NOTCH2: variants seen among roughly 807,000 people sequenced by gnomAD.
NOTCH2 encodes neurogenic locus notch homolog protein 2.
NOTCH2 carries 29 observed loss-of-function variants against 235.8 expected under a neutral mutation model. The ratio of observed to expected loss-of-function variants is 0.12; its 90% confidence interval spans 0.09 to 0.17. The LOEUF is 0.17. Among genes scored for constraint, NOTCH2 ranks in the 10% least tolerant of loss-of-function variants. NOTCH2 has a pLI of 1.00. For missense variants in NOTCH2, 2,285 were observed against 3,150.2 expected, an observed-to-expected ratio of 0.73 and a Z score of 6.57; for synonymous variants, 1,086 against 1,141.5, an observed-to-expected ratio of 0.95 and a Z score of 0.98.
rs1553194800 is a variant in NOTCH2, at chr1:119,929,046, G to A, written c.3822C>T (p.Ser1274=). The stretch of plus-strand genomic sequence containing the variant: ...GTATACAGTCCAGGCTGCCCTCAGA[G>A]CTGCAGGGGTTGGAGAGGCACTCGT... The part of the protein sequence containing the change: ...DINECLSNPC[S]SEGSLDCIQL... The change falls in exon 23 of 34, where the codon AGC becomes AGT. Residue 1274 remains serine, a synonymous_variant. Transcript: ENST00000256646. The A allele has an allele frequency of 1.2e-6, 2 of 1,614,036 alleles. No individual in the cohort carries two copies. The highest frequency in any genetic ancestry group is 1.7e-6 in the Non-Finnish European group (2 of 1,180,034).
In NOTCH2 at chr1:119,965,471, C is replaced by G. The variant is rs1475043862; in HGVS notation, c.1663G>C (p.Glu555Gln). The G allele has an allele frequency of 5.0e-6, 8 of 1,613,486 alleles. No homozygotes were observed. The highest frequency in any genetic ancestry group is 6.8e-6 in the Non-Finnish European group (8 of 1,179,516). ...ATCTTACCTGTGGCACACTGGCATTCATAGCCATTCGGGTGATCGATACAC... is the reference window on the plus strand; with the variant it reads ...ATCTTACCTGTGGCACACTGGCATTGATAGCCATTCGGGTGATCGATACAC... ...AKCIDHPNGY[E>Q]CQCATGFTGV... Residue 555 changes from glutamate (E) to glutamine (Q), a missense_variant, in exon 10 of 34, where the codon GAA (glutamate) becomes CAA (glutamine). Transcript: ENST00000256646.
At chr1:119,984,579 T>G (rs1553202024) in intron 5 of NOTCH2, among the ~76,000 whole-genome samples, 1 of 152,178 alleles carries the variant, frequency 6.6e-6, no homozygotes, top group East Asian at 1.9e-4. Flanking sequence ...TAATCTGAAT[T>G]TATACATCTA....
At chr1:120,041,077 T>C (rs1396488145) in intron 1 of NOTCH2, among the ~76,000 whole-genome samples, 3 of 101,094 alleles carry the variant, frequency 3.0e-5, no homozygotes, top group Admixed American at 9.5e-5. Flanking sequence ...AAAAAATATA[T>C]ATATATATAT....
In NOTCH2 at chr1:119,997,172, G is replaced by A. The variant is rs782309218; in HGVS notation, c.576C>T (p.Cys192=). The change falls in exon 4 of 34, where the codon TGC becomes TGT. Residue 192 remains cysteine, a synonymous_variant. Transcript: ENST00000256646. ...DVNECDIPGH[C]QHGGTCLNLP... is the part of the protein sequence containing the mutation. The stretch of plus-strand genomic sequence containing the variant: ...GGTTGAGGCAGGTGCCACCATGCTG[G>A]CAGTGTCCTGGAATGTCACACTCAT... 6.2e-6 allele frequency: 10 copies of A among 1,614,008 alleles called. No individual in the cohort carries two copies. Among genetic ancestry groups the A allele is most frequent in the Admixed American group, 1.7e-5 (1 of 60,026 alleles).
At chr1:119,922,196 C>T (rs753517869) in intron 28 of NOTCH2, 40 bp downstream of exon 28, 22 of 1,588,302 alleles carry the variant, frequency 1.4e-5, no homozygotes, top group Admixed American at 5.0e-5. Flanking sequence ...GTCATCCCTA[C>T]TTATACTGTG....
At chr1:119,969,461 A>G (rs1553200107) in intron 6 of NOTCH2, 50 bp downstream of exon 6, 1 of 1,469,778 alleles carries the variant, frequency 6.8e-7, no homozygotes, top group East Asian at 2.3e-5. Context: ...CAGAGTCCTG[A>G]ATGCCCCCTG....
intron 12 of NOTCH2, among the ~76,000 whole-genome samples, chr1:119,957,109 A>G (rs949096569): frequency 6.6e-6 from 1 of 152,246 alleles, no homozygotes; most frequent in African/African-American, 2.4e-5. Context: ...TCATTCAGCA[A>G]CATTCACTAA....
chr1:119,985,681 G>GA (rs1181380518), intron 5 of NOTCH2, among the ~76,000 whole-genome samples: 26 of 151,590 alleles, frequency 1.7e-4, no homozygotes, highest in Middle Eastern at 6.8e-3. Flanking sequence ...ATTAAAAAGA[G>GA]AAAAAAAACA....
rs1254910850 is a variant in NOTCH2 at position 119,913,976 on chromosome 1, G to C, written c.*1330C>G. The C allele has an allele frequency of 4.3e-6, 1 of 232,956 alleles. No homozygotes were observed. The highest frequency in any genetic ancestry group is 2.2e-5 in the African/African-American group (1 of 45,340). 14.4% of individuals were successfully genotyped at this position (232,956 alleles called of 1,614,324 possible). On this transcript the variant is annotated 3_prime_UTR_variant, in exon 34 of 34. Coordinates refer to ENST00000256646, the MANE Select transcript of NOTCH2 (RefSeq NM_024408.4). ...CAGTGAGAACATACTGGGTATACCA[G>C]TAACACGGACCACACGGTGTGAAAG...
chr1:119,965,652 G>A, intron 9 of NOTCH2, 86 bp from the exon 10 acceptor site: 3 of 947,666 alleles, frequency 3.2e-6, no homozygotes, highest in Non-Finnish European at 5.2e-6. Flanking sequence ...TACTAGCAGG[G>A]CTTATACCAA....
chr1:119,960,194 C>A (rs587745823), intron 11 of NOTCH2, among the ~76,000 whole-genome samples: 1 of 152,194 alleles, frequency 6.6e-6, no homozygotes, highest in Admixed American at 6.5e-5. Flanking sequence ...TGAGGAAAAG[C>A]AAATTGACAG....
intron 1 of NOTCH2, among the ~76,000 whole-genome samples, chr1:120,065,835 T>G (rs1553216984): frequency 6.6e-6 from 1 of 152,150 alleles, no homozygotes; most frequent in African/African-American, 2.4e-5. Context: ...AATTTAGGCA[T>G]TCGAACTGAG....
At chr1:120,001,060 T>A (rs1652730924) in intron 3 of NOTCH2, among the ~76,000 whole-genome samples, 1 of 152,162 alleles carries the variant, frequency 6.6e-6, no homozygotes, top group South Asian at 2.1e-4. Context: ...TTCTCAGGGT[T>A]TCTGCTTTTG....
Position 119,925,858 on chromosome 1 carries a change from T to C in NOTCH2, c.4006-48A>G, listed in dbSNP as rs767658421. Reference sequence around the variant, plus strand: ...AAAAATGGCATTGGTAGGAAAACAGTCATATTGGAAGTTTGAGGTTTCTAG... The same window carrying C: ...AAAAATGGCATTGGTAGGAAAACAGCCATATTGGAAGTTTGAGGTTTCTAG... On this transcript the variant is annotated intron_variant, in intron 24 of 33. Coordinates refer to ENST00000256646, the MANE Select transcript of NOTCH2 (RefSeq NM_024408.4). 2.5e-6 allele frequency: 4 copies of C among 1,608,274 alleles called. No homozygotes were observed. In the East Asian group the frequency reaches 8.9e-5, roughly 36 times the overall value.
Position 119,969,599 on chromosome 1 carries a change from A to G in NOTCH2, c.1020T>C (p.Asp340=). The G allele has an allele frequency of 2.5e-6, 4 of 1,614,044 alleles. No individual in the cohort carries two copies. In the South Asian group the frequency reaches 4.4e-5, roughly 18 times the overall value. ...WSGDDCSENI[D]DCAFASCTPG... ...GAGTACAGGAGGCGAAGGCACAATC[A>G]TCAATGTTCTCACTGCAGTCATCTC... The change falls in exon 6 of 34, where the codon GAT becomes GAC. Residue 340 remains aspartate, a synonymous_variant. Transcript: ENST00000256646.
In NOTCH2 at chr1:120,069,438, G is replaced by A. The variant is rs781924748; in HGVS notation, c.-32C>T. 2.8e-5 allele frequency: 43 copies of A among 1,528,454 alleles called. No individual in the cohort carries two copies. Among genetic ancestry groups the A allele is most frequent in the African/African-American group, 4.2e-5 (3 of 71,514 alleles). The allele number at this position is 1,528,454 out of a possible 1,614,324, so 94.7% of individuals were successfully genotyped here. On this transcript the variant is annotated 5_prime_UTR_variant, in exon 1 of 34. Coordinates refer to ENST00000256646, the MANE Select transcript of NOTCH2 (RefSeq NM_024408.4). ...GGTCGCCTCCTCCTCCGCCGCCGCC[G>A]CCGCCGCCTGGGCAGATCCACATGG...
chr1:120,025,908 C>T (rs1440666543), intron 2 of NOTCH2, among the ~76,000 whole-genome samples: 14 of 126,058 alleles, frequency 1.1e-4, no homozygotes, highest in Non-Finnish European at 1.3e-4. Flanking sequence ...TGATTAATGA[C>T]ATCAAATTTA....
intron 2 of NOTCH2, among the ~76,000 whole-genome samples, chr1:120,017,975 G>A (rs189413350): frequency 4.3e-3 from 619 of 142,810 alleles, no homozygotes; most frequent in African/African-American, 0.013. Context: ...TGTAGTGACT[G>A]CCATTGAAAA....
intron 1 of NOTCH2, among the ~76,000 whole-genome samples, chr1:120,032,950 CA>C (rs1553211186): frequency 1.4e-5 from 2 of 140,424 alleles, no homozygotes; most frequent in Non-Finnish European, 3.1e-5. Flanking sequence ...TAAATTAGTA[CA>C]ACCATTGTGA....
Sources: gnomAD v4.1 joint callset for allele counts (sites outside exome capture counted in the v4.1 genomes callset) on GRCh38, gnomAD v4.1.1 for gene constraint, MANE v1.5 for transcripts, NCBI Gene and HGNC (gene_info 2026-07-23, HGNC 2026-07-21) for gene names.